The following SPSB4 variants were observed in gnomAD, a reference collection of about 807,000 sequenced individuals.
SPSB4 encodes the protein splA/ryanodine receptor domain and SOCS box containing 4.
A neutral mutation model predicts 20.9 loss-of-function variants in SPSB4; 21 were observed. The ratio of observed to expected loss-of-function variants is 1.01; its 90% CI spans 0.71 to 1.45. The LOEUF (loss-of-function observed/expected upper bound fraction) is 1.45. Ranked by LOEUF, SPSB4 falls within the 40% of genes most tolerant of loss-of-function variation. The pLI, the probability that SPSB4 is intolerant of heterozygous loss-of-function variation, is 0.00. For synonymous variants in SPSB4, 207 were observed against 183.8 expected, an observed-to-expected ratio of 1.13 and a Z score of -1.02; for missense variants, 399 against 399.2, an observed-to-expected ratio of 1.00 and a Z score of 0.00.
intron 2 of SPSB4, among the ~76,000 whole-genome samples, chr3:141,091,957 C>T (rs1459665767): frequency 1.3e-5 from 2 of 152,220 alleles, no homozygotes; most frequent in African/African-American, 4.8e-5. Context: ...AAGCCTGTGT[C>T]TCTGGAGCCT....
intron 2 of SPSB4, among the ~76,000 whole-genome samples, chr3:141,135,239 A>G (rs1031689562): frequency 6.6e-6 from 1 of 151,918 alleles, no homozygotes; most frequent in Non-Finnish European, 1.5e-5. Context: ...AGTTATGTAT[A>G]GTAGAAGTTT....
At chr3:141,143,350 G>A (rs1225715699) in intron 2 of SPSB4, among the ~76,000 whole-genome samples, 1 of 152,198 alleles carries the variant, frequency 6.6e-6, no homozygotes, top group African/African-American at 2.4e-5. Flanking sequence ...TAGGGACGGG[G>A]CTACCTGAGA....
chr3:141,104,639 G>T (rs972669928), intron 2 of SPSB4, among the ~76,000 whole-genome samples: 2 of 152,230 alleles, frequency 1.3e-5, no homozygotes, highest in African/African-American at 2.4e-5. Context: ...GGCAGGCAGT[G>T]GTGTCTGCAG....
intron 2 of SPSB4, among the ~76,000 whole-genome samples, chr3:141,110,237 A>G (rs1938774295): frequency 6.6e-6 from 1 of 152,224 alleles, no homozygotes; most frequent in African/African-American, 2.4e-5. Context: ...GAGTGGTAAG[A>G]GGGACATGTA....
At chr3:141,058,705 G>A (rs1339778595) in intron 1 of SPSB4, among the ~76,000 whole-genome samples, 2 of 152,144 alleles carry the variant, frequency 1.3e-5, no homozygotes, top group Non-Finnish European at 2.9e-5. Context: ...ACAGTGCCTG[G>A]CACTGTGTTC....
rs1211614393 is a variant in SPSB4, at chr3:141,066,219, C to CAGCT, written c.116_119dup (p.Leu41AlafsTer97). 6.5e-7 allele frequency: 1 copy of CAGCT among 1,549,016 alleles called. No individual in the cohort carries two copies. Among genetic ancestry groups the CAGCT allele is most frequent in the Non-Finnish European group, 8.7e-7 (1 of 1,149,666 alleles). ...GCCCGGGCGGCCGGCGCGGCTGGACCAGCTGTTGGACATGCCAGCGGCGGG... is the reference window on the plus strand; with the variant it reads ...GCCCGGGCGGCCGGCGCGGCTGGACCAGCTAGCTGTTGGACATGCCAGCGGCGGG... On this transcript the variant is annotated frameshift_variant, in exon 2 of 3. Transcript: ENST00000310546. LOFTEE classifies it high-confidence loss of function.
chr3:141,052,654 G>A (rs1936115600), intron 1 of SPSB4, among the ~76,000 whole-genome samples: 1 of 152,166 alleles, frequency 6.6e-6, no homozygotes, highest in African/African-American at 2.4e-5. Flanking sequence ...TGACTCTGGG[G>A]CAGTGAGGCT....
chr3:141,127,109 G>A (rs1036465179), intron 2 of SPSB4, among the ~76,000 whole-genome samples: 1 of 152,240 alleles, frequency 6.6e-6, no homozygotes, highest in Non-Finnish European at 1.5e-5. Flanking sequence ...TCCAGTGCCT[G>A]CCTGAAGCCA....
At chr3:141,122,948 C>T (rs1486305162) in intron 2 of SPSB4, among the ~76,000 whole-genome samples, 11 of 152,322 alleles carry the variant, frequency 7.2e-5, no homozygotes, top group South Asian at 4.1e-4. Context: ...ATGGGCTGCA[C>T]GCACTGTCCA....
At chr3:141,131,952 C>G (rs1939138311) in intron 2 of SPSB4, among the ~76,000 whole-genome samples, 1 of 152,232 alleles carries the variant, frequency 6.6e-6, no homozygotes, top group Non-Finnish European at 1.5e-5. Context: ...TCTACATCCT[C>G]ATCAGCACTT....
chr3:141,147,436 AG>A lies in SPSB4; in HGVS notation c.*169del. 2.5e-6 allele frequency: 3 copies of A among 1,206,712 alleles called. No individual in the cohort carries two copies. The highest frequency in any genetic ancestry group is 3.4e-6 in the Non-Finnish European group (3 of 877,390). The allele number at this position is 1,206,712 out of a possible 1,614,324, so 74.8% of individuals were successfully genotyped here. On this transcript the variant is annotated 3_prime_UTR_variant, in exon 3 of 3. Transcript: ENST00000310546. The stretch of plus-strand genomic sequence containing the variant: ...ATGTGGTACCAACTTTGGAAACGAA[AG>A]GTCTCTTGCCAACAGTATCTACTGC...
At chr3:141,076,395 C>T (rs977078789) in intron 2 of SPSB4, among the ~76,000 whole-genome samples, 1 of 152,266 alleles carries the variant, frequency 6.6e-6, no homozygotes, top group Non-Finnish European at 1.5e-5. Flanking sequence ...TAAATCCACA[C>T]TCTTATCCAT....
At chr3:141,053,821 G>C (rs942669411) in intron 1 of SPSB4, among the ~76,000 whole-genome samples, 1 of 151,950 alleles carries the variant, frequency 6.6e-6, no homozygotes, top group Non-Finnish European at 1.5e-5. Context: ...TTTCTCCCTA[G>C]CTCAGGACCT....
chr3:141,080,726 G>A (rs1012217624), intron 2 of SPSB4, among the ~76,000 whole-genome samples: 8 of 152,206 alleles, frequency 5.3e-5, no homozygotes, highest in African/African-American at 1.9e-4. Context: ...GGTGAATTGT[G>A]GGCTTGTATT....
chr3:141,122,632 C>T (rs1938987128), intron 2 of SPSB4, among the ~76,000 whole-genome samples: 1 of 152,214 alleles, frequency 6.6e-6, no homozygotes, highest in Non-Finnish European at 1.5e-5. Flanking sequence ...AAACCGCCTA[C>T]TCAAGCTTCA....
chr3:141,082,618 G>GCTAT (rs57148827), intron 2 of SPSB4, among the ~76,000 whole-genome samples: 14,400 of 146,148 alleles, frequency 0.099, 1,030 homozygotes, highest in African/African-American at 0.2. Flanking sequence ...CAACCCAGGT[G>GCTAT]CTATCTATCT....
chr3:141,122,517 T>C (rs1471892017), intron 2 of SPSB4, among the ~76,000 whole-genome samples: 4 of 152,234 alleles, frequency 2.6e-5, no homozygotes, highest in African/African-American at 7.2e-5. Context: ...TGATATGCCC[T>C]GCCCACAGAG....
chr3:141,066,604 C>T lies in SPSB4; in HGVS notation c.500C>T (p.Pro167Leu). The T allele has an allele frequency of 1.3e-6, 2 of 1,584,912 alleles. No individual in the cohort carries two copies. The highest frequency in any genetic ancestry group is 1.2e-5 in the South Asian group (1 of 86,478). ...GTGGCCTACCCGGCCTTTCTGGGGC[C>T]CGACGAGGCCTTTGCGCTGCCCGAC... ...PGVAYPAFLGPDEAFALPDSL... is the reference protein window; with the variant it reads ...PGVAYPAFLGLDEAFALPDSL... The change falls in exon 2 of 3, where the codon CCC (proline) becomes CTC (leucine). Residue 167 changes from proline to leucine, a missense_variant. Coordinates refer to ENST00000310546, the MANE Select transcript of SPSB4 (RefSeq NM_080862.3).
intron 2 of SPSB4, among the ~76,000 whole-genome samples, chr3:141,075,739 C>T (rs1049991366): frequency 6.6e-6 from 1 of 152,070 alleles, no homozygotes; most frequent in African/African-American, 2.4e-5. Context: ...TGAATGATCC[C>T]GCAGCCAAGC....
Sources: allele counts gnomAD v4.1 joint callset (sites outside exome capture counted in the v4.1 genomes callset), GRCh38; gene constraint gnomAD v4.1.1; transcripts MANE v1.5; gene names NCBI Gene and HGNC (gene_info 2026-07-23, HGNC 2026-07-21).